PCDH9: variants seen among roughly 807,000 people sequenced by gnomAD.
PCDH9 encodes the protein protocadherin-9.
In PCDH9, 24 loss-of-function variants were observed where a neutral mutation model predicts 70.6. The observed-to-expected ratio is 0.34, with a 90% CI of 0.25 to 0.48. The LOEUF (loss-of-function observed/expected upper bound fraction) is 0.48, where lower values mean the gene tolerates loss of function less well. Ranked by LOEUF, PCDH9 falls within the 20% of genes least tolerant of loss-of-function variation. The pLI, the probability that PCDH9 is intolerant of heterozygous loss-of-function variation, is 0.99. For missense variants in PCDH9, 1,281 were observed against 1,503.6 expected, an observed-to-expected ratio of 0.85 and a Z score of 2.45; for synonymous variants, 562 against 558.5, an observed-to-expected ratio of 1.01 and a Z score of -0.09.
At chr13:67,019,286 C>T (rs1185724484) in intron 2 of PCDH9, among the ~76,000 whole-genome samples, 5 of 150,762 alleles carry the variant, frequency 3.3e-5, no homozygotes, top group Middle Eastern at 3.5e-3. Flanking sequence ...CTCCGCCTCC[C>T]GGGTTCATGC....
chr13:66,608,330 A>G (rs993327574), intron 4 of PCDH9, among the ~76,000 whole-genome samples: 4 of 152,270 alleles, frequency 2.6e-5, no homozygotes, highest in South Asian at 2.1e-4. Context: ...TAAACATTCT[A>G]AAGTCTAAAA....
Position 66,377,091 on chromosome 13 carries a change from C to A in PCDH9, c.3341-72063G>T, listed in dbSNP as rs57436694. On this transcript the variant is annotated intron_variant, in intron 4 of 4. Transcript: ENST00000377865. ...TTGTGTTTTGGTGTGGTCATATTGT[C>A]ATTTGTAAGAAATCACCATATCTGT... Among the ~76,000 whole-genome samples the A allele has an allele frequency of 4.6e-3, 703 of 152,238 alleles. 8 individuals are homozygous for A. The highest frequency in any genetic ancestry group is 0.016 in the African/African-American group (679 of 41,538).
At chr13:67,120,362 C>A (rs904020440) in intron 2 of PCDH9, among the ~76,000 whole-genome samples, 2 of 151,954 alleles carry the variant, frequency 1.3e-5, no homozygotes, top group Non-Finnish European at 2.9e-5. Flanking sequence ...AGGTACTGAC[C>A]ATTGGGATGA....
intron 2 of PCDH9, among the ~76,000 whole-genome samples, chr13:67,067,395 T>A (rs1296455518): frequency 3.3e-5 from 5 of 152,134 alleles, no homozygotes. Flanking sequence ...CTATATAACA[T>A]ATTATGAATG....
At chr13:66,992,736 G>A (rs2084028995) in intron 2 of PCDH9, among the ~76,000 whole-genome samples, 2 of 152,096 alleles carry the variant, frequency 1.3e-5, no homozygotes, top group South Asian at 4.1e-4. Context: ...AAAAATGCCT[G>A]CCTTAGAAGA....
intron 4 of PCDH9, among the ~76,000 whole-genome samples, chr13:66,409,227 T>A (rs952589486): frequency 6.6e-6 from 1 of 152,154 alleles, no homozygotes; most frequent in African/African-American, 2.4e-5. Flanking sequence ...GGGCATAAGA[T>A]TTAAAATTTA....
intron 4 of PCDH9, among the ~76,000 whole-genome samples, chr13:66,387,687 C>T (rs941148916): frequency 6.6e-6 from 1 of 152,040 alleles, no homozygotes; most frequent in Non-Finnish European, 1.5e-5. Context: ...CAGAAGCTGG[C>T]GTCATGCTTC....
chr13:67,159,367 CT>C (rs577135367), intron 2 of PCDH9, among the ~76,000 whole-genome samples: 1 of 152,318 alleles, frequency 6.6e-6, no homozygotes, highest in South Asian at 2.1e-4. Flanking sequence ...AAAAGGTTTA[CT>C]GCTGAATATG....
intron 2 of PCDH9, among the ~76,000 whole-genome samples, chr13:67,098,846 C>A (rs1471930341): frequency 6.6e-6 from 1 of 151,574 alleles, no homozygotes; most frequent in African/African-American, 2.4e-5. Context: ...AGTAAAATAG[C>A]AAAAAACACA....
intron 4 of PCDH9, among the ~76,000 whole-genome samples, chr13:66,493,763 G>A (rs1959071135): frequency 6.6e-6 from 1 of 152,080 alleles, no homozygotes; most frequent in South Asian, 2.1e-4. Context: ...AGGATTAACT[G>A]ATTTATAGAA....
intron 4 of PCDH9, among the ~76,000 whole-genome samples, chr13:66,503,230 G>C (rs1310944584): frequency 6.6e-6 from 1 of 152,114 alleles, no homozygotes; most frequent in African/African-American, 2.4e-5. Flanking sequence ...TAGAATAACT[G>C]GTTTGCTAGA....
intron 4 of PCDH9, among the ~76,000 whole-genome samples, chr13:66,453,661 TTTTGGG>T (rs1958260669): frequency 6.6e-6 from 1 of 152,134 alleles, no homozygotes; most frequent in African/African-American, 2.4e-5. Context: ...ACAAATGCCA[TTTTGGG>T]GGTTCACAGC....
chr13:66,670,557 A>G (rs2078160075), intron 3 of PCDH9, among the ~76,000 whole-genome samples: 1 of 152,284 alleles, frequency 6.6e-6, no homozygotes, highest in South Asian at 2.1e-4. Context: ...AAAAGTATGT[A>G]TATCTATATA....
rs557075328 is a variant in PCDH9, at chr13:67,135,251, T to C, written c.3036+90154A>G. ...ATATTATTAACAATATTTTCTAGTT[T>C]TAATTTTTTTACTGTTTAATAATTC... On this transcript the variant is annotated intron_variant, in intron 2 of 4. Transcript: ENST00000377865. Among the ~76,000 whole-genome samples, 5 of 152,234 alleles carry C rather than the reference T, an allele frequency of 3.3e-5. No homozygotes were observed. In the South Asian group the frequency reaches 8.3e-4, roughly 25 times the overall value.
At chr13:66,864,083 G>A (rs539134333) in intron 3 of PCDH9, among the ~76,000 whole-genome samples, 4 of 152,182 alleles carry the variant, frequency 2.6e-5, no homozygotes, top group South Asian at 2.1e-4. Context: ...TATCACGGAG[G>A]TAACTGCCCC....
chr13:66,929,075 G>C (rs916408953), intron 2 of PCDH9, among the ~76,000 whole-genome samples: 2 of 152,050 alleles, frequency 1.3e-5, no homozygotes, highest in Non-Finnish European at 2.9e-5. Flanking sequence ...TTACCTTTAA[G>C]TTAATAACTT....
At chr13:67,183,038 T>A (rs1462394285) in intron 2 of PCDH9, among the ~76,000 whole-genome samples, 1 of 152,150 alleles carries the variant, frequency 6.6e-6, no homozygotes, top group African/African-American at 2.4e-5. Flanking sequence ...ATCTATAGAT[T>A]GTAAGGATTT....
chr13:66,534,339 A>G (rs967752083), intron 4 of PCDH9, among the ~76,000 whole-genome samples: 10 of 152,128 alleles, frequency 6.6e-5, no homozygotes, highest in African/African-American at 2.4e-4. Context: ...AACAACTGAA[A>G]TTTATTTCTC....
chr13:66,805,252 T>G (rs1750750521), intron 3 of PCDH9, among the ~76,000 whole-genome samples: 1 of 152,178 alleles, frequency 6.6e-6, no homozygotes, highest in African/African-American at 2.4e-5. Flanking sequence ...CTACAGGACA[T>G]GTAGCAGATC....
Sources: allele counts gnomAD v4.1 joint callset (sites outside exome capture counted in the v4.1 genomes callset), GRCh38; gene constraint gnomAD v4.1.1; transcripts MANE v1.5; gene names NCBI Gene and HGNC (gene_info 2026-07-23, HGNC 2026-07-21).